Variants in PRDM2 observed in about 807,000 individuals in gnomAD.
The protein encoded by PRDM2 is PR domain zinc finger protein 2.
In PRDM2, 30 loss-of-function variants were observed where a neutral mutation model predicts 130.0. The observed-to-expected ratio is 0.23, with a 90% confidence interval of 0.17 to 0.31. PRDM2 has a LOEUF of 0.31. PRDM2 is among the 10% of genes least tolerant of loss of function. The pLI is 1.00. For synonymous variants in PRDM2, 871 were observed against 782.4 expected (o/e 1.11, Z -1.89); for missense variants, 2,011 against 2,108.4 (o/e 0.95, Z 0.90).
intron 6 of PRDM2, among the ~76,000 whole-genome samples, chr1:13,755,565 A>G (rs557669334): frequency 6.6e-6 from 1 of 152,316 alleles, no homozygotes; most frequent in South Asian, 2.1e-4. Flanking sequence ...TCCACTTATA[A>G]TTTGAAAGTA....
At chr1:13,817,355 G>T (rs748601978) in intron 9 of PRDM2, among the ~76,000 whole-genome samples, 4 of 152,098 alleles carry the variant, frequency 2.6e-5, no homozygotes, top group Non-Finnish European at 4.4e-5. Context: ...ATTTATTTTG[G>T]ACTAAAACAG....
Position 13,801,918 on chromosome 1 carries a change from T to A in PRDM2, c.5037-14509T>A, listed in dbSNP as rs550045984. On this transcript the variant is annotated intron_variant, in intron 8 of 9. Coordinates refer to ENST00000311066, the MANE Select transcript of PRDM2 (RefSeq NM_001393986.1). ...TGAGCAGTTCTCAAACTAAATGGAG[T>A]GCAGGATCCTGGGAAGGTCTGAGCA... 2.0e-5 allele frequency among the ~76,000 whole-genome samples: 3 copies of A among 152,136 alleles called. No homozygotes were observed. In the East Asian group the frequency reaches 5.8e-4, roughly 30 times the overall value.
At chr1:13,763,848 AATG>A (rs1644161672) in intron 6 of PRDM2, among the ~76,000 whole-genome samples, 1 of 152,174 alleles carries the variant, frequency 6.6e-6, no homozygotes, top group Non-Finnish European at 1.5e-5. Flanking sequence ...CCAAAATCTG[AATG>A]TATATCCTCT....
chr1:13,746,737 A>G (rs536146635), intron 5 of PRDM2, among the ~76,000 whole-genome samples: 1 of 151,860 alleles, frequency 6.6e-6, no homozygotes, highest in Non-Finnish European at 1.5e-5. Flanking sequence ...TTGTATTTTC[A>G]GTAGAGACAG....
intron 2 of PRDM2, among the ~76,000 whole-genome samples, chr1:13,725,138 T>G (rs1025389182): frequency 6.6e-6 from 1 of 152,232 alleles, no homozygotes; most frequent in Admixed American, 6.5e-5. Flanking sequence ...TATTGGAAAT[T>G]ATAACAAAGT....
intron 8 of PRDM2, among the ~76,000 whole-genome samples, chr1:13,810,358 C>G (rs2100753577): frequency 6.6e-6 from 1 of 152,288 alleles, no homozygotes; most frequent in East Asian, 1.9e-4. Context: ...AATCTAACAG[C>G]TCTTTTCTTC....
At chr1:13,798,649 T>G (rs1167921276) in intron 8 of PRDM2, among the ~76,000 whole-genome samples, 1 of 152,206 alleles carries the variant, frequency 6.6e-6, no homozygotes, top group Non-Finnish European at 1.5e-5. Flanking sequence ...TATTCAACTA[T>G]TCCTTCAGAT....
chr1:13,741,477 C>T (rs1643437771), intron 4 of PRDM2, among the ~76,000 whole-genome samples: 1 of 152,170 alleles, frequency 6.6e-6, no homozygotes, highest in South Asian at 2.1e-4. Flanking sequence ...GTGTTCACTC[C>T]TGAAGTCCCT....
intron 6 of PRDM2, among the ~76,000 whole-genome samples, chr1:13,760,824 C>T (rs1209833738): frequency 6.6e-6 from 1 of 151,366 alleles, no homozygotes; most frequent in Admixed American, 6.6e-5. Flanking sequence ...TCTGTGGTAA[C>T]TGCCGTTCTC....
At chr1:13,775,342 A>T (rs768550072) in intron 7 of PRDM2, among the ~76,000 whole-genome samples, 2 of 152,220 alleles carry the variant, frequency 1.3e-5, no homozygotes, top group Non-Finnish European at 2.9e-5. Context: ...CTGTTAGGAA[A>T]TTTCTGAGCC....
At position 13,771,479 on chromosome 1, in the gene PRDM2, C is replaced by T. The variant is rs373543917; in HGVS notation, c.512-1599C>T. Among the ~76,000 whole-genome samples, 1 of 152,172 alleles carries T rather than the reference C, an allele frequency of 6.6e-6. No individual in the cohort carries two copies. Among genetic ancestry groups the T allele is most frequent in the East Asian group, 1.9e-4 (1 of 5,198 alleles). On this transcript the variant is annotated intron_variant, in intron 6 of 9. Coordinates refer to ENST00000311066, the MANE Select transcript of PRDM2 (RefSeq NM_001393986.1). This position sits in a 1 kb window ranked among gnomAD's most constrained non-coding sequence, Gnocchi z 4.1. Reference sequence around the variant, plus strand: ...GGGCACGGTGGCTCATGCCTGTAATCCCAGCACTCTGGGAGGCCGAGGCAG... The same window carrying T: ...GGGCACGGTGGCTCATGCCTGTAATTCCAGCACTCTGGGAGGCCGAGGCAG...
chr1:13,823,527 A>C lies in PRDM2; in HGVS notation c.*392A>C. 1 of 312,506 alleles carries C rather than the reference A, an allele frequency of 3.2e-6. No individual in the cohort carries two copies. The highest frequency in any genetic ancestry group is 6.0e-6 in the Non-Finnish European group (1 of 167,678). The allele number at this position is 312,506 out of a possible 1,614,324, so 19.4% of individuals were successfully genotyped here. A position where few individuals can be genotyped will look rare whatever the true frequency, so the allele number is the denominator to read the frequency against. ...TTTGCTTCTTGAGTTGTCTTTTGCC[A>C]TTATGGGGACTTTGGTTTGACCCAG... On this transcript the variant is annotated 3_prime_UTR_variant, in exon 10 of 10. Transcript: ENST00000311066.
At chr1:13,762,540 G>A (rs1250228715) in intron 6 of PRDM2, among the ~76,000 whole-genome samples, 9 of 152,314 alleles carry the variant, frequency 5.9e-5, no homozygotes, top group Non-Finnish European at 1.5e-5. Context: ...GGCCTAGGAA[G>A]GACTCCTGTT....
intron 4 of PRDM2, among the ~76,000 whole-genome samples, chr1:13,738,024 AAATCTGT>A (rs1253493156): frequency 6.6e-6 from 1 of 152,186 alleles, no homozygotes; most frequent in African/African-American, 2.4e-5. Flanking sequence ...AGTTCCTAAC[AAATCTGT>A]TAGGAACTTA....
intron 6 of PRDM2, among the ~76,000 whole-genome samples, chr1:13,751,747 A>T (rs540148937): frequency 6.6e-6 from 1 of 152,268 alleles, no homozygotes; most frequent in African/African-American, 2.4e-5. Flanking sequence ...TGAGACAGAG[A>T]GAAAAACAAA....
At chr1:13,725,153 T>G (rs1420999162) in intron 2 of PRDM2, among the ~76,000 whole-genome samples, 2 of 152,218 alleles carry the variant, frequency 1.3e-5, no homozygotes, top group African/African-American at 4.8e-5. Context: ...CAAAGTATTT[T>G]GAAATAGTTA....
intron 5 of PRDM2, among the ~76,000 whole-genome samples, chr1:13,744,547 G>A (rs908932881): frequency 2.0e-5 from 3 of 152,102 alleles, no homozygotes; most frequent in Admixed American, 1.3e-4. Flanking sequence ...ATGTGACCAC[G>A]CAAAGGATCT....
intron 8 of PRDM2, among the ~76,000 whole-genome samples, chr1:13,801,616 C>T (rs1044990634): frequency 2.1e-4 from 32 of 152,288 alleles, no homozygotes; most frequent in African/African-American, 6.0e-4. Context: ...GCACTAGTGC[C>T]CGTCTCCTAA....
chr1:13,775,362 G>A (rs551877493), intron 7 of PRDM2, among the ~76,000 whole-genome samples: 1 of 152,344 alleles, frequency 6.6e-6, no homozygotes, highest in East Asian at 1.9e-4. Flanking sequence ...CTTAGAGTTG[G>A]CGTTTTCTGT....
Sources: gnomAD v4.1 joint callset for allele counts (sites outside exome capture counted in the v4.1 genomes callset) on GRCh38, gnomAD v4.1.1 for gene constraint, Gnocchi (gnomAD v3.1) non-coding constraint, MANE v1.5 for transcripts, NCBI Gene and HGNC (gene_info 2026-07-23, HGNC 2026-07-21) for gene names.